The following CACNA2D3 variants were observed in gnomAD, a reference collection of about 807,000 sequenced individuals.
The protein encoded by CACNA2D3 is voltage-dependent calcium channel subunit alpha-2/delta-3.
A neutral mutation model predicts 160.6 loss-of-function variants in CACNA2D3; 60 were observed. The ratio of observed to expected loss-of-function variants is 0.37; its 90% confidence interval spans 0.30 to 0.46. CACNA2D3 has a LOEUF of 0.46. CACNA2D3 is among the 20% of genes least tolerant of loss of function. CACNA2D3 has a pLI of 1.00. For missense variants in CACNA2D3, 1,205 were observed against 1,365.0 expected (o/e 0.88, Z 1.85); for synonymous variants, 558 against 492.9 (o/e 1.13, Z -1.75).
intron 3 of CACNA2D3, among the ~76,000 whole-genome samples, chr3:54,337,986 A>G (rs1371936014): frequency 6.6e-6 from 1 of 152,194 alleles, no homozygotes; most frequent in Non-Finnish European, 1.5e-5. Flanking sequence ...GGGTGCCTTA[A>G]GTGAGTGCCT....
At chr3:54,743,293 C>A (rs895211590) in intron 11 of CACNA2D3, among the ~76,000 whole-genome samples, 4 of 152,084 alleles carry the variant, frequency 2.6e-5, no homozygotes, top group Admixed American at 6.5e-5. Context: ...TACTGAGTAT[C>A]ATGAAGAAAA....
intron 2 of CACNA2D3, among the ~76,000 whole-genome samples, chr3:54,277,467 G>A (rs954011326): frequency 3.3e-5 from 5 of 152,068 alleles, no homozygotes; most frequent in East Asian, 3.9e-4. Context: ...TGAGGCCTCC[G>A]TTCTGTTCCA....
chr3:54,649,339 G>A (rs1233195938), intron 11 of CACNA2D3, among the ~76,000 whole-genome samples: 1 of 152,190 alleles, frequency 6.6e-6, no homozygotes. Flanking sequence ...TGGTGACATG[G>A]ACACAGGACA....
chr3:54,242,387 G>A (rs1235805863), intron 2 of CACNA2D3, among the ~76,000 whole-genome samples: 1 of 152,194 alleles, frequency 6.6e-6, no homozygotes, highest in South Asian at 2.1e-4. Context: ...AGGTTGCGGC[G>A]AGCTGAGATC....
At chr3:54,230,027 G>A (rs1439353985) in intron 2 of CACNA2D3, among the ~76,000 whole-genome samples, 1 of 151,876 alleles carries the variant, frequency 6.6e-6, no homozygotes, top group Non-Finnish European at 1.5e-5. Flanking sequence ...ATGCAAGTAG[G>A]AAGCGTTGCC....
At chr3:54,964,298 G>A (rs1028906520) in intron 27 of CACNA2D3, among the ~76,000 whole-genome samples, 1 of 152,178 alleles carries the variant, frequency 6.6e-6, no homozygotes, top group Non-Finnish European at 1.5e-5. Flanking sequence ...AGCAGGGAGG[G>A]AGCCCTGGGA....
At chr3:54,427,935 G>C (rs767582020) in intron 4 of CACNA2D3, among the ~76,000 whole-genome samples, 1 of 152,224 alleles carries the variant, frequency 6.6e-6, no homozygotes, top group African/African-American at 2.4e-5. Context: ...CTGCAGGGAA[G>C]TTAAGAGCCC....
intron 4 of CACNA2D3, among the ~76,000 whole-genome samples, chr3:54,471,812 A>G (rs1438071469): frequency 1.3e-5 from 2 of 152,192 alleles, no homozygotes; most frequent in Non-Finnish European, 1.5e-5. Context: ...AGAAATGCAT[A>G]AACTCCTGGA....
At chr3:54,381,061 C>T (rs901252542) in intron 3 of CACNA2D3, among the ~76,000 whole-genome samples, 2 of 152,034 alleles carry the variant, frequency 1.3e-5, no homozygotes, top group Admixed American at 6.5e-5. Flanking sequence ...AATAAAAAGC[C>T]TGGTATGAGT....
chr3:54,929,736 TCTTCCCTCCTTC>T (rs1361685616), intron 27 of CACNA2D3, among the ~76,000 whole-genome samples: 5 of 152,186 alleles, frequency 3.3e-5, no homozygotes, highest in Admixed American at 3.3e-4. Flanking sequence ...CTCAATGATT[TCTTCCCTCCTTC>T]CTTCCAATCC....
chr3:54,886,027 A>C (rs182245725), intron 23 of CACNA2D3, among the ~76,000 whole-genome samples: 3 of 152,322 alleles, frequency 2.0e-5, no homozygotes, highest in Admixed American at 1.3e-4. Flanking sequence ...AGTGTGGTAC[A>C]TGCTGAGTGC....
chr3:55,042,714 C>G (rs540734995), intron 35 of CACNA2D3, among the ~76,000 whole-genome samples: 36 of 152,186 alleles, frequency 2.4e-4, no homozygotes, highest in African/African-American at 7.2e-4. Flanking sequence ...TGTGTATTTA[C>G]TACTATAATC....
intron 17 of CACNA2D3, among the ~76,000 whole-genome samples, chr3:54,849,102 G>T (rs151212507): frequency 6.6e-6 from 1 of 152,200 alleles, no homozygotes; most frequent in Admixed American, 6.5e-5. Flanking sequence ...AAGGGATCGT[G>T]TACATACACC....
intron 14 of CACNA2D3, 90 bp downstream of exon 14, chr3:54,816,960 A>AC: frequency 6.9e-7 from 1 of 1,453,658 alleles, no homozygotes; most frequent in Admixed American, 2.1e-5. Context: ...ACTGTTCATG[A>AC]CCAGTGAAAT....
At chr3:54,764,172 T>C (rs1237765741) in intron 12 of CACNA2D3, 46 bp from the exon 13 acceptor site, 1 of 1,608,624 alleles carries the variant, frequency 6.2e-7, no homozygotes, top group Non-Finnish European at 8.5e-7. Context: ...CAGTTGCAAG[T>C]CTTTCTGTCT....
In CACNA2D3 at chr3:54,521,007, A is replaced by G. The variant is rs549058763; in HGVS notation, c.544+17353A>G. Among the ~76,000 whole-genome samples, 26 of 141,382 alleles carry G rather than the reference A, an allele frequency of 1.8e-4. No homozygotes were observed. The South Asian group carries it at 4.9e-3, about 26-fold the overall frequency. The allele number at this position is 141,382 out of a possible 152,430, so 92.8% of individuals were successfully genotyped here. On this transcript the variant is annotated intron_variant, in intron 5 of 37. Transcript: ENST00000474759. ...AATACTACATTTTGTTTATCCATTCATCTGTTGATGGGCACTTGGGTTGCT... is the reference window on the plus strand; with the variant it reads ...AATACTACATTTTGTTTATCCATTCGTCTGTTGATGGGCACTTGGGTTGCT...
At chr3:54,457,379 G>GTT (rs1269173238) in intron 4 of CACNA2D3, among the ~76,000 whole-genome samples, 2 of 151,878 alleles carry the variant, frequency 1.3e-5, no homozygotes, top group Non-Finnish European at 2.9e-5. Context: ...GAAAGTTCTT[G>GTT]TTACTGATTT....
intron 2 of CACNA2D3, among the ~76,000 whole-genome samples, chr3:54,238,500 A>G (rs1701922112): frequency 6.6e-6 from 1 of 152,196 alleles, no homozygotes. Flanking sequence ...TTGCTAAGGT[A>G]TTTTCCTTCT....
chr3:54,232,683 G>A (rs1701796935), intron 2 of CACNA2D3, among the ~76,000 whole-genome samples: 1 of 152,110 alleles, frequency 6.6e-6, no homozygotes, highest in African/African-American at 2.4e-5. Flanking sequence ...CTCTTTGTAA[G>A]TCTTTCCCTA....
Sources: gnomAD v4.1 joint callset for allele counts (sites outside exome capture counted in the v4.1 genomes callset) on GRCh38, gnomAD v4.1.1 for gene constraint, MANE v1.5 for transcripts, NCBI Gene and HGNC (gene_info 2026-07-23, HGNC 2026-07-21) for gene names.